Variants in TMEM108 observed in about 807,000 individuals in gnomAD.
TMEM108 encodes transmembrane protein 108.
Under a neutral mutation model 35.1 loss-of-function variants are expected in TMEM108, and 12 were observed. The observed-to-expected ratio is 0.34, with a 90% CI of 0.22 to 0.55. TMEM108 has a LOEUF of 0.55. TMEM108 is among the 20% of genes least tolerant of loss of function. TMEM108 has a pLI of 0.89. For missense variants in TMEM108, 680 were observed against 753.3 expected (o/e 0.90, Z 1.14); for synonymous variants, 287 against 308.6 (o/e 0.93, Z 0.73).
At chr3:133,376,639 C>T (rs1206029483) in intron 3 of TMEM108, among the ~76,000 whole-genome samples, 2 of 152,116 alleles carry the variant, frequency 1.3e-5, no homozygotes, top group African/African-American at 4.8e-5. Context: ...TTCAGGCAGA[C>T]AATTTGAGGT....
chr3:133,215,183 C>G (rs1276731637), intron 2 of TMEM108, among the ~76,000 whole-genome samples: 1 of 151,930 alleles, frequency 6.6e-6, no homozygotes, highest in Non-Finnish European at 1.5e-5. Context: ...ATTGTTGATT[C>G]ACTAACATTG....
intron 3 of TMEM108, among the ~76,000 whole-genome samples, chr3:133,363,297 C>A (rs994169230): frequency 6.6e-6 from 1 of 152,176 alleles, no homozygotes; most frequent in Non-Finnish European, 1.5e-5. Context: ...AGGGACCCAA[C>A]AGTCTGTAGT....
At chr3:133,295,464 G>T (rs894828793) in intron 3 of TMEM108, among the ~76,000 whole-genome samples, 1 of 152,242 alleles carries the variant, frequency 6.6e-6, no homozygotes, top group Non-Finnish European at 1.5e-5. Context: ...TACCTGGCAA[G>T]TAGTCAGCAT....
intron 3 of TMEM108, among the ~76,000 whole-genome samples, chr3:133,356,683 A>C (rs1190462963): frequency 6.6e-6 from 1 of 152,108 alleles, no homozygotes; most frequent in African/African-American, 2.4e-5. Context: ...CCTACAGCCA[A>C]CTGATCTACA....
At chr3:133,265,072 T>A (rs897462576) in intron 3 of TMEM108, among the ~76,000 whole-genome samples, 5 of 152,160 alleles carry the variant, frequency 3.3e-5, no homozygotes, top group African/African-American at 9.7e-5. Flanking sequence ...GTGACCAAGA[T>A]ACTGAAATGC....
At chr3:133,245,909 AT>A (rs1284286180) in intron 3 of TMEM108, among the ~76,000 whole-genome samples, 3 of 152,224 alleles carry the variant, frequency 2.0e-5, no homozygotes, top group Admixed American at 6.5e-5. Flanking sequence ...TCAAAACATT[AT>A]TTCAACATAT....
chr3:133,192,689 A>G (rs1453586259), intron 2 of TMEM108: 3 of 152,324 alleles, frequency 2.0e-5, no homozygotes, highest in Non-Finnish European at 4.4e-5. Context: ...ACAGGGAAGG[A>G]GAGAGGACAT....
chr3:133,140,105 T>G (rs1944620842), intron 2 of TMEM108, among the ~76,000 whole-genome samples: 1 of 152,228 alleles, frequency 6.6e-6, no homozygotes, highest in Non-Finnish European at 1.5e-5. Flanking sequence ...TTTAGAATCT[T>G]AATTTGGTTG....
chr3:133,129,294 G>A (rs915114954), intron 2 of TMEM108, among the ~76,000 whole-genome samples: 2 of 151,128 alleles, frequency 1.3e-5, no homozygotes, highest in Non-Finnish European at 2.9e-5. Context: ...AGTGAGCATC[G>A]AGATCGTACC....
At chr3:133,178,227 G>A (rs1326911792) in intron 2 of TMEM108, among the ~76,000 whole-genome samples, 1 of 152,170 alleles carries the variant, frequency 6.6e-6, no homozygotes, top group Non-Finnish European at 1.5e-5. Context: ...TCGTGAAAAT[G>A]GCCATACTGC....
chr3:133,082,403 CGTT>C (rs956084813), intron 2 of TMEM108, among the ~76,000 whole-genome samples: 1 of 152,140 alleles, frequency 6.6e-6, no homozygotes, highest in Non-Finnish European at 1.5e-5. Flanking sequence ...TCGTTGTATG[CGTT>C]GTTACTTCTG....
At chr3:133,341,427 A>G (rs1019133162) in intron 3 of TMEM108, among the ~76,000 whole-genome samples, 8 of 151,900 alleles carry the variant, frequency 5.3e-5, no homozygotes, top group Admixed American at 1.3e-4. Context: ...TACCGTGTCT[A>G]TGGATTGAAA....
chr3:133,194,168 C>G (rs1945542876), intron 2 of TMEM108, among the ~76,000 whole-genome samples: 1 of 152,114 alleles, frequency 6.6e-6, no homozygotes, highest in Non-Finnish European at 1.5e-5. Flanking sequence ...AACTCCTGAC[C>G]TCGTGATCCG....
At chr3:133,298,571 T>A (rs187607486) in intron 3 of TMEM108, among the ~76,000 whole-genome samples, 1 of 152,320 alleles carries the variant, frequency 6.6e-6, no homozygotes, top group Non-Finnish European at 1.5e-5. Flanking sequence ...ACTTTGTTTA[T>A]CAAATGCTTG....
chr3:133,296,998 A>C (rs534439145), intron 3 of TMEM108, among the ~76,000 whole-genome samples: 1 of 152,310 alleles, frequency 6.6e-6, no homozygotes, highest in East Asian at 1.9e-4. Context: ...CAGTCAAGAC[A>C]ATAGAACAAG....
rs953924530 is a variant in TMEM108, at chr3:133,336,309, C to T, written c.41-43443C>T. Among the ~76,000 whole-genome samples the T allele has an allele frequency of 2.0e-5, 3 of 152,100 alleles. No individual in the cohort carries two copies. The South Asian group carries it at 6.2e-4, about 32-fold the overall frequency. ...TTCCCCAAACCCCAGTTGCACAGCTCATGGCTCCAAAAATGACCCCTTCCT... is the reference window on the plus strand; with the variant it reads ...TTCCCCAAACCCCAGTTGCACAGCTTATGGCTCCAAAAATGACCCCTTCCT... On this transcript the variant is annotated intron_variant, in intron 3 of 5. Transcript: ENST00000321871.
chr3:133,181,023 A>ACAAAAAAAAAC (rs1559859754), intron 2 of TMEM108, among the ~76,000 whole-genome samples: 1 of 141,852 alleles, frequency 7.0e-6, no homozygotes, highest in African/African-American at 3.0e-5. Flanking sequence ...AAAAAAAAAA[A>ACAAAAAAAAAC]AAAAAAAAAA....
intron 2 of TMEM108, among the ~76,000 whole-genome samples, chr3:133,108,214 G>C (rs1348044580): frequency 1.3e-5 from 2 of 152,094 alleles, no homozygotes; most frequent in Admixed American, 1.3e-4. Context: ...CTGAGCGACA[G>C]AGTGACACTT....
chr3:133,178,751 A>C (rs1001305454), intron 2 of TMEM108, among the ~76,000 whole-genome samples: 2 of 152,248 alleles, frequency 1.3e-5, no homozygotes, highest in African/African-American at 4.8e-5. Flanking sequence ...AGGCATGGGC[A>C]AGGACTTCAT....
Sources: gnomAD v4.1 joint callset for allele counts (sites outside exome capture counted in the v4.1 genomes callset) on GRCh38, gnomAD v4.1.1 for gene constraint, MANE v1.5 for transcripts, NCBI Gene and HGNC (gene_info 2026-07-23, HGNC 2026-07-21) for gene names.